JDP2: variants seen among roughly 807,000 people sequenced by gnomAD.
JDP2 encodes progesterone receptor co-activator.
JDP2 carries 9 observed loss-of-function variants against 17.1 expected under a neutral mutation model. The observed-to-expected ratio is 0.53, with a 90% CI of 0.32 to 0.92. The LOEUF (loss-of-function observed/expected upper bound fraction) is 0.92. Ranked by LOEUF, JDP2 falls within the 40% of genes least tolerant of loss-of-function variation. JDP2 has a pLI of 0.04. For missense variants in JDP2, 179 were observed against 220.0 expected, an observed-to-expected ratio of 0.81 and a Z score of 1.18; for synonymous variants, 107 against 95.6, an observed-to-expected ratio of 1.12 and a Z score of -0.69.
intron 2 of JDP2, among the ~76,000 whole-genome samples, chr14:75,441,639 C>T (rs938815450): frequency 1.3e-5 from 2 of 152,238 alleles, no homozygotes; most frequent in Non-Finnish European, 2.9e-5. Flanking sequence ...TAGGACTGCT[C>T]ATTCTGATGG....
At chr14:75,427,289 G>A (rs1884566975), upstream of JDP2, 1 of 152,534 alleles carries the variant, frequency 6.6e-6, no homozygotes, top group Non-Finnish European at 1.5e-5. The surrounding 1 kb of genome is among the most constrained non-coding windows in gnomAD (Gnocchi z 4.4). Flanking sequence ...GCCAGCAGTA[G>A]AGCAAGCCGC....
At chr14:75,462,786 A>G (rs550339477) in intron 3 of JDP2, among the ~76,000 whole-genome samples, 3 of 152,152 alleles carry the variant, frequency 2.0e-5, no homozygotes, top group Admixed American at 6.5e-5. Context: ...ACAAGCAGAG[A>G]GCTATTCTGT....
chr14:75,465,027 G>C (rs1398991484), intron 3 of JDP2, among the ~76,000 whole-genome samples: 1 of 152,242 alleles, frequency 6.6e-6, no homozygotes, highest in Non-Finnish European at 1.5e-5. Flanking sequence ...CTGGGAAGAG[G>C]AAAGGCAGTC....
chr14:75,435,478 C>A (rs532416750), intron 1 of JDP2, among the ~76,000 whole-genome samples: 3 of 152,042 alleles, frequency 2.0e-5, no homozygotes, highest in African/African-American at 4.8e-5. Flanking sequence ...GAAAGCCCAC[C>A]GTGAGAAAGT....
intron 2 of JDP2, among the ~76,000 whole-genome samples, chr14:75,440,070 A>G (rs1055083272): frequency 1.3e-5 from 2 of 151,890 alleles, no homozygotes; most frequent in African/African-American, 2.4e-5. Context: ...TGGGTTGGGT[A>G]TTTTTACATT....
chr14:75,449,646 T>C (rs1007490419), intron 2 of JDP2, among the ~76,000 whole-genome samples: 1 of 152,222 alleles, frequency 6.6e-6, no homozygotes, highest in Non-Finnish European at 1.5e-5. Context: ...AGTGGGAAAC[T>C]AGACCCCACT....
At chr14:75,432,225 T>G in intron 1 of JDP2, 1 of 1,220,416 alleles carries the variant, frequency 8.2e-7, no homozygotes, top group Non-Finnish European at 1.2e-6. Flanking sequence ...CCTCGACTTT[T>G]GGAAGCCGCG....
intron 2 of JDP2, among the ~76,000 whole-genome samples, chr14:75,438,817 G>C (rs373493004): frequency 2.6e-5 from 4 of 152,390 alleles, no homozygotes; most frequent in African/African-American, 9.6e-5. Context: ...GCACTGGTGA[G>C]CAGCAGCAGT....
intron 3 of JDP2, among the ~76,000 whole-genome samples, chr14:75,464,582 G>C: frequency 6.6e-6 from 1 of 152,288 alleles, no homozygotes; most frequent in East Asian, 1.9e-4. Context: ...GAGCATCCTC[G>C]GATTTTGGTA....
chr14:75,441,118 CGA>C (rs558707428), intron 2 of JDP2, among the ~76,000 whole-genome samples: 12 of 150,014 alleles, frequency 8.0e-5, no homozygotes, highest in South Asian at 2.1e-4. Context: ...CTCCTAGTTC[CGA>C]GAGAGAGAGA....
At chr14:75,432,221 C>G in intron 1 of JDP2, 4 of 1,187,010 alleles carry the variant, frequency 3.4e-6, no homozygotes, top group Non-Finnish European at 3.6e-6. Flanking sequence ...ATCTCCTCGA[C>G]TTTTGGAAGC....
chr14:75,435,264 A>G (rs998881943), intron 1 of JDP2, among the ~76,000 whole-genome samples: 32 of 152,336 alleles, frequency 2.1e-4, no homozygotes, highest in African/African-American at 7.0e-4. Context: ...TCTTACTGCC[A>G]CTAGGCTCCA....
intron 1 of JDP2, among the ~76,000 whole-genome samples, chr14:75,429,527 C>T (rs1884694426): frequency 6.6e-6 from 1 of 152,124 alleles, no homozygotes; most frequent in South Asian, 2.1e-4. Context: ...CATCTCCCTT[C>T]CCCCCAACCT....
At chr14:75,462,016 A>G (rs1008316339) in intron 3 of JDP2, among the ~76,000 whole-genome samples, 1 of 152,200 alleles carries the variant, frequency 6.6e-6, no homozygotes, top group Non-Finnish European at 1.5e-5. Flanking sequence ...CCTGCATGCC[A>G]TCTGGCCAGC....
At chr14:75,432,576 G>A (rs867399289) in intron 1 of JDP2, among the ~76,000 whole-genome samples, 4 of 152,122 alleles carry the variant, frequency 2.6e-5, no homozygotes, top group African/African-American at 7.2e-5. Flanking sequence ...TCTCACCTCC[G>A]CATTCTCCCA....
intron 2 of JDP2, among the ~76,000 whole-genome samples, chr14:75,454,751 C>A (rs568524552): frequency 2.0e-5 from 3 of 152,066 alleles, no homozygotes; most frequent in African/African-American, 7.2e-5. Flanking sequence ...AAGTACAAAC[C>A]CGGGGGACAG....
intron 1 of JDP2, among the ~76,000 whole-genome samples, chr14:75,431,086 G>A (rs1594941939): frequency 6.6e-6 from 1 of 152,164 alleles, no homozygotes; most frequent in Non-Finnish European, 1.5e-5. Context: ...GTGTGTGTCT[G>A]TATTAGGTGT....
At chr14:75,440,956 T>C (rs1354077628) in intron 2 of JDP2, among the ~76,000 whole-genome samples, 1 of 152,206 alleles carries the variant, frequency 6.6e-6, no homozygotes, top group African/African-American at 2.4e-5. Flanking sequence ...CCACATGCCG[T>C]GTGGCCTCCC....
At chr14:75,465,115 A>G (rs1662388137) in intron 3 of JDP2, among the ~76,000 whole-genome samples, 1 of 152,182 alleles carries the variant, frequency 6.6e-6, no homozygotes, top group Admixed American at 6.5e-5. Flanking sequence ...TGCCCCACAC[A>G]ATATTCAGGT....
Sources: allele counts gnomAD v4.1 joint callset (sites outside exome capture counted in the v4.1 genomes callset), GRCh38; gene constraint gnomAD v4.1.1; non-coding constraint Gnocchi (gnomAD v3.1); transcripts MANE v1.5; gene names NCBI Gene and HGNC (gene_info 2026-07-23, HGNC 2026-07-21).